RYR2: variants seen among roughly 807,000 people sequenced by gnomAD.
RYR2 encodes ryanodine receptor 2.
Under a neutral mutation model 601.1 loss-of-function variants are expected in RYR2, and 227 were observed. The ratio of observed to expected loss-of-function variants is 0.38; its 90% CI spans 0.34 to 0.42. The LOEUF is 0.42. RYR2 is among the 10% of genes least tolerant of loss of function. The pLI is 1.00. For missense variants in RYR2, 4,646 were observed against 6,156.5 expected (o/e 0.75, Z 8.21); for synonymous variants, 2,223 against 2,175.1 (o/e 1.02, Z -0.61).
intron 51 of RYR2, 105 bp from the exon 52 acceptor site, chr1:237,654,169 A>G (rs1156711912): frequency 7.2e-7 from 1 of 1,388,646 alleles, no homozygotes; most frequent in Admixed American, 2.3e-5. Context: ...ATTTCACTTC[A>G]GATGACCTTA....
rs116215233 is a variant in RYR2, at chr1:237,356,250, G to A, written c.294+265G>A. ...ATATAATTTATTTTGTAATTATTAT[G>A]TGCTTCTGGCCAACAGAAAGGTGTT... On this transcript the variant is annotated intron_variant, in intron 4 of 104. Transcript: ENST00000366574. Among the ~76,000 whole-genome samples, 516 of 151,836 alleles carry A rather than the reference G, an allele frequency of 3.4e-3. 4 individuals are homozygous for A. Among genetic ancestry groups the A allele is most frequent in the African/African-American group, 0.011 (470 of 41,394 alleles).
chr1:237,528,972 T>G (rs1252626470), intron 24 of RYR2, among the ~76,000 whole-genome samples: 1 of 152,202 alleles, frequency 6.6e-6, no homozygotes, highest in Non-Finnish European at 1.5e-5. Context: ...TTGAGTTCTC[T>G]CAGAGCTGGG....
chr1:237,264,297 G>A (rs774309930), intron 1 of RYR2, among the ~76,000 whole-genome samples: 2 of 152,040 alleles, frequency 1.3e-5, no homozygotes, highest in Admixed American at 1.3e-4. Flanking sequence ...GGGATTAGCC[G>A]GTGTACAGTC....
At chr1:237,091,262 T>A (rs1666916792) in intron 1 of RYR2, among the ~76,000 whole-genome samples, 1 of 152,122 alleles carries the variant, frequency 6.6e-6, no homozygotes, top group Non-Finnish European at 1.5e-5. Context: ...ATCAAGCAGG[T>A]TGTTTCAGGA....
chr1:237,492,858 A>AGGAAGGAG (rs1663541115), intron 18 of RYR2, 96 bp from the exon 19 acceptor site: 1 of 1,219,876 alleles, frequency 8.2e-7, no homozygotes, highest in African/African-American at 2.2e-5. Flanking sequence ...GAAGGAAGGA[A>AGGAAGGAG]GGAAGGAAGG....
intron 1 of RYR2, among the ~76,000 whole-genome samples, chr1:237,117,747 C>CTTCTCTTCTCTT (rs1553303502): frequency 7.2e-6 from 1 of 137,946 alleles, no homozygotes; most frequent in African/African-American, 2.8e-5. Flanking sequence ...CTTCTCTTCT[C>CTTCTCTTCTCTT]TTCTCTTCTC....
At chr1:237,795,856 G>GTA (rs1205860625) in intron 96 of RYR2, among the ~76,000 whole-genome samples, 2,740 of 79,684 alleles carry the variant, frequency 0.034, 56 homozygotes, top group African/African-American at 0.066. Flanking sequence ...ATATGTATAT[G>GTA]TATATATATA....
In RYR2 at chr1:237,711,264, T is replaced by C. The variant is rs575010951; in HGVS notation, c.10231-481T>C. ...CTAATGTGTTATGTTTTTCCCCAAA[T>C]ATTTAAAGATAAATTGATTTTGCCA... On this transcript the variant is annotated intron_variant, in intron 70 of 104. Transcript: ENST00000366574. 3.3e-5 allele frequency among the ~76,000 whole-genome samples: 5 copies of C among 152,338 alleles called. No homozygotes were observed. The East Asian group carries it at 9.6e-4, about 29-fold the overall frequency.
chr1:237,777,788 T>C (rs1477090116), intron 87 of RYR2, among the ~76,000 whole-genome samples: 1 of 152,242 alleles, frequency 6.6e-6, no homozygotes, highest in Non-Finnish European at 1.5e-5. Context: ...AGCATTCAAC[T>C]ATTTATGAAT....
chr1:237,074,205 T>C (rs1664730070), intron 1 of RYR2, among the ~76,000 whole-genome samples: 1 of 152,072 alleles, frequency 6.6e-6, no homozygotes, highest in Non-Finnish European at 1.5e-5. Context: ...GTATCCCAGC[T>C]ACTTGGGAGG....
intron 5 of RYR2, among the ~76,000 whole-genome samples, chr1:237,365,553 A>G (rs1252125297): frequency 6.6e-6 from 1 of 152,232 alleles, no homozygotes; most frequent in Non-Finnish European, 1.5e-5. Flanking sequence ...TGAAGAGAGG[A>G]CGTTAATCCC....
intron 17 of RYR2, among the ~76,000 whole-genome samples, chr1:237,473,626 C>A (rs943207622): frequency 1.3e-5 from 2 of 151,858 alleles, no homozygotes; most frequent in African/African-American, 4.8e-5. Flanking sequence ...GTTCTACTAC[C>A]CTGACCCAAA....
chr1:237,256,876 G>C (rs1301566245), intron 1 of RYR2, among the ~76,000 whole-genome samples: 1 of 152,102 alleles, frequency 6.6e-6, no homozygotes, highest in East Asian at 1.9e-4. Flanking sequence ...ACTTGAGGCT[G>C]CCCTTCCTTA....
intron 12 of RYR2, among the ~76,000 whole-genome samples, chr1:237,438,182 T>C (rs1165267027): frequency 6.6e-6 from 1 of 152,192 alleles, no homozygotes; most frequent in East Asian, 1.9e-4. Flanking sequence ...TTTAGCTCTA[T>C]TCATTATGTA....
At chr1:237,642,352 T>C (rs1446358999) in intron 47 of RYR2, among the ~76,000 whole-genome samples, 3 of 152,174 alleles carry the variant, frequency 2.0e-5, no homozygotes, top group Non-Finnish European at 4.4e-5. Context: ...ACTTTGCTGC[T>C]AGTAAGATTC....
At position 237,356,055 on chromosome 1, in the gene RYR2, T is replaced by A. The variant is rs1699269178; in HGVS notation, c.294+70T>A. ...GCATGCTTGCTCTCGCCTCTAATCT[T>A]TCATTTTGCTTCCTAGTGTGGCTTG... is the stretch of plus-strand genomic sequence containing the variant. On this transcript the variant is annotated intron_variant, in intron 4 of 104. Transcript: ENST00000366574. 3 of 1,385,320 alleles carry A rather than the reference T, an allele frequency of 2.2e-6. No individual in the cohort carries two copies. The South Asian group carries it at 3.7e-5, about 17-fold the overall frequency. 85.8% of individuals were successfully genotyped at this position (1,385,320 alleles called of 1,614,324 possible).
chr1:237,594,138 G>A (rs908644787), intron 33 of RYR2, among the ~76,000 whole-genome samples: 1 of 152,152 alleles, frequency 6.6e-6, no homozygotes, highest in Non-Finnish European at 1.5e-5. Context: ...GGGTAAGTCA[G>A]TTACACTTTC....
At position 237,072,389 on chromosome 1, in the gene RYR2, C is replaced by T. The variant is rs181871884; in HGVS notation, c.48+29820C>T. Among the ~76,000 whole-genome samples, 461 of 152,236 alleles carry T rather than the reference C, an allele frequency of 3.0e-3. 1 individual carries two copies. Among genetic ancestry groups the T allele is most frequent in the African/African-American group, 0.01 (424 of 41,536 alleles). On this transcript the variant is annotated intron_variant, in intron 1 of 104. Transcript: ENST00000366574. ...TCAGGGTCGGCTTCCAGGCATTGAG[C>T]GGATGGGCAGAGGAGATGAGAGACA... is the stretch of plus-strand genomic sequence containing the variant.
chr1:237,781,429 G>T, intron 88 of RYR2, 136 bp from the exon 89 acceptor site: 2 of 559,378 alleles, frequency 3.6e-6, no homozygotes, highest in South Asian at 2.6e-5. Context: ...TTAATATTTG[G>T]CCCTCCTTTA....
Sources: gnomAD v4.1 joint callset for allele counts (sites outside exome capture counted in the v4.1 genomes callset) on GRCh38, gnomAD v4.1.1 for gene constraint, MANE v1.5 for transcripts, NCBI Gene and HGNC (gene_info 2026-07-23, HGNC 2026-07-21) for gene names.